The following CELSR1 variants were observed in gnomAD, a reference collection of about 807,000 sequenced individuals.
CELSR1 encodes the protein cadherin EGF LAG seven-pass G-type receptor 1, also known as adhesion G protein-coupled receptor C1.
CELSR1 carries 110 observed loss-of-function variants against 249.1 expected under a neutral mutation model. The observed-to-expected ratio is 0.44, with a 90% CI of 0.38 to 0.52. The LOEUF (loss-of-function observed/expected upper bound fraction) is 0.52, where lower values mean the gene tolerates loss of function less well. Among genes scored for constraint, CELSR1 ranks in the 20% least tolerant of loss-of-function variants. The probability of loss-of-function intolerance (pLI) is 0.00; values close to 1 mark genes in which losing one functional copy is unlikely to be tolerated. For synonymous variants in CELSR1, 2,113 were observed against 1,900.0 expected (o/e 1.11, Z -2.92); for missense variants, 4,109 against 4,296.4 (o/e 0.96, Z 1.22).
At position 46,380,024 on chromosome 22, in the gene CELSR1, A is replaced by G. The variant is rs1168000808; in HGVS notation, c.7256+764T>C. 6.6e-6 allele frequency among the ~76,000 whole-genome samples: 1 copy of G among 152,190 alleles called. No individual in the cohort carries two copies. Among genetic ancestry groups the G allele is most frequent in the East Asian group, 1.9e-4 (1 of 5,192 alleles). ...TCCCTGTAACGATAGAGCAACTCAA[A>G]TGTCCACACCTCACGTGAACTCTGC... is the stretch of plus-strand genomic sequence containing the variant. On this transcript the variant is annotated intron_variant, in intron 22 of 34. Coordinates refer to ENST00000674500, the MANE Select transcript of CELSR1 (RefSeq NM_001378328.1). This position sits in a 1 kb window ranked among gnomAD's most constrained non-coding sequence, Gnocchi z 5.1.
At chr22:46,384,404 G>A (rs2147229196) in intron 20 of CELSR1, 139 bp downstream of exon 20, 3 of 980,892 alleles carry the variant, frequency 3.1e-6, no homozygotes, top group East Asian at 2.8e-5. Flanking sequence ...GTCACCAACA[G>A]GACCTGGCAC....
At position 46,410,026 on chromosome 22, in the gene CELSR1, G is replaced by A; in HGVS notation, c.4934-146C>T. 1.0e-6 allele frequency: 1 copy of A among 982,126 alleles called. No homozygotes were observed. Among genetic ancestry groups the A allele is most frequent in the Non-Finnish European group, 1.5e-6 (1 of 668,118 alleles). The allele number at this position is 982,126 out of a possible 1,614,324, so 60.8% of individuals were successfully genotyped here. On this transcript the variant is annotated intron_variant, in intron 7 of 34. Coordinates refer to ENST00000674500, the MANE Select transcript of CELSR1 (RefSeq NM_001378328.1). The surrounding 1 kb of genome is among the most constrained non-coding windows in gnomAD (Gnocchi z 6.8). ...GGTCTGAACGCCCCTGGCAACGGCA[G>A]GAACATGGGAACTAAGAAGGTGCTG... is the stretch of plus-strand genomic sequence containing the variant.
At position 46,363,067 on chromosome 22, in the gene CELSR1, C is replaced by A. The variant is rs1248596043; in HGVS notation, c.*156G>T. 4.0e-6 allele frequency: 6 copies of A among 1,490,920 alleles called. No homozygotes were observed. In the African/African-American group the frequency reaches 8.3e-5, roughly 21 times the overall value. The allele number at this position is 1,490,920 out of a possible 1,614,324, so 92.4% of individuals were successfully genotyped here. A position where few individuals can be genotyped will look rare whatever the true frequency, so the allele number is the denominator to read the frequency against. ...GTCTGGATGATCAGTCGGGGGGCTG[C>A]CACCATGGGGACCGCCACACTCTGG... On this transcript the variant is annotated 3_prime_UTR_variant, in exon 35 of 35. Transcript: ENST00000674500. This position sits in a 1 kb window ranked among gnomAD's most constrained non-coding sequence, Gnocchi z 4.3.
At chr22:46,373,454 TG>T (rs1166675865) in intron 24 of CELSR1, among the ~76,000 whole-genome samples, 6 of 68,950 alleles carry the variant, frequency 8.7e-5, no homozygotes, top group African/African-American at 2.9e-4. Flanking sequence ...TGCTCGGGGT[TG>T]GGGGGGCAGC....
At chr22:46,524,986 CACCGCCT>C (rs1449337846) in intron 1 of CELSR1, among the ~76,000 whole-genome samples, 1 of 152,166 alleles carries the variant, frequency 6.6e-6, no homozygotes, top group Non-Finnish European at 1.5e-5. Context: ...AAATAATCCA[CACCGCCT>C]ACCAGGCCCC....
At position 46,407,225 on chromosome 22, in the gene CELSR1, A is replaced by G. The variant is rs1364045392; in HGVS notation, c.5226+1771T>C. On this transcript the variant is annotated intron_variant, in intron 9 of 34. Coordinates refer to ENST00000674500, the MANE Select transcript of CELSR1 (RefSeq NM_001378328.1). The surrounding 1 kb of genome is among the most constrained non-coding windows in gnomAD (Gnocchi z 4.8). ...GGTCTCATCACATGGGTGCACACAC[A>G]TACATATACAGCCACATGCACACAG... 6.6e-6 allele frequency among the ~76,000 whole-genome samples: 1 copy of G among 152,200 alleles called. No individual in the cohort carries two copies. The highest frequency in any genetic ancestry group is 2.4e-5 in the African/African-American group (1 of 41,458).
In CELSR1 at chr22:46,500,765, T is replaced by C. The variant is rs769878437; in HGVS notation, c.3544+32862A>G. Among the ~76,000 whole-genome samples the C allele has an allele frequency of 1.6e-4, 24 of 152,136 alleles. No homozygotes were observed. The highest frequency in any genetic ancestry group is 2.6e-4 in the Non-Finnish European group (18 of 68,026). ...AGTTTCAGAATGAAGCTCACCACCG[T>C]GTCCCCACAACTGGAGCTGCCCGGG... is the stretch of plus-strand genomic sequence containing the variant. On this transcript the variant is annotated intron_variant, in intron 1 of 34. Transcript: ENST00000674500. The surrounding 1 kb of genome is among the most constrained non-coding windows in gnomAD (Gnocchi z 4.9).
At chr22:46,367,891 C>T (rs1297696620) in intron 27 of CELSR1, 36 bp from the exon 28 acceptor site, 6 of 1,586,736 alleles carry the variant, frequency 3.8e-6, no homozygotes, top group Non-Finnish European at 4.3e-6. Context: ...TGCCCATCGC[C>T]ACCACCTGCT....
At position 46,398,472 on chromosome 22, in the gene CELSR1, G is replaced by A. The variant is rs2079174944; in HGVS notation, c.5526+52C>T. On this transcript the variant is annotated intron_variant, in intron 11 of 34. Coordinates refer to ENST00000674500, the MANE Select transcript of CELSR1 (RefSeq NM_001378328.1). The surrounding 1 kb of genome is among the most constrained non-coding windows in gnomAD (Gnocchi z 7.2). ...ACCACCTATGGTGCTGCCAGCCTCGGAGCTGCCTGTGAGGGGCAGGCCTCC... is the reference window on the plus strand; with the variant it reads ...ACCACCTATGGTGCTGCCAGCCTCGAAGCTGCCTGTGAGGGGCAGGCCTCC... 1 of 1,351,200 alleles carries A rather than the reference G, an allele frequency of 7.4e-7. No homozygotes were observed. The allele number at this position is 1,351,200 out of a possible 1,614,324, so 83.7% of individuals were successfully genotyped here.
rs1195902966 is a variant in CELSR1 at position 46,374,757 on chromosome 22, T to G, written c.7585-1700A>C. On this transcript the variant is annotated intron_variant, in intron 24 of 34. Coordinates refer to ENST00000674500, the MANE Select transcript of CELSR1 (RefSeq NM_001378328.1). This position sits in a 1 kb window ranked among gnomAD's most constrained non-coding sequence, Gnocchi z 4.3. ...TTTTGAGATGAAATCCGCACACTTC[T>G]CAGAGCCTTCCCAGACCAATGCGCG... Among the ~76,000 whole-genome samples the G allele has an allele frequency of 1.3e-5, 2 of 152,132 alleles. No individual in the cohort carries two copies. Among genetic ancestry groups the G allele is most frequent in the Non-Finnish European group, 2.9e-5 (2 of 68,020 alleles).
Position 46,391,155 on chromosome 22 carries a change from A to C in CELSR1, c.6250+31T>G. The C allele has an allele frequency of 6.4e-7, 1 of 1,566,528 alleles. No homozygotes were observed. The highest frequency in any genetic ancestry group is 8.8e-7 in the Non-Finnish European group (1 of 1,142,414). On this transcript the variant is annotated intron_variant, in intron 16 of 34. Coordinates refer to ENST00000674500, the MANE Select transcript of CELSR1 (RefSeq NM_001378328.1). This position sits in a 1 kb window ranked among gnomAD's most constrained non-coding sequence, Gnocchi z 4.3. Reference sequence around the variant, plus strand: ...CTCCTCCCACAAGGACGCCTGCCTCAGTTCCCTACACACAGGCCACGGCGA... The same window carrying C: ...CTCCTCCCACAAGGACGCCTGCCTCCGTTCCCTACACACAGGCCACGGCGA...
rs764022411 is a variant in CELSR1 at position 46,534,224 on chromosome 22, C to T, written c.2947G>A (p.Val983Ile). ...TCCAAGATGGTCACCTGGATTTCTA[C>T]CGAGGCGCTAAGGGGAGTGGGACTG... The part of the protein sequence containing the change: ...RGSPTPLSAS[V>I]EIQVTILDIN... The change falls in exon 1 of 35, where the codon GTA (valine) becomes ATA (isoleucine). Residue 983 changes from valine to isoleucine, a missense_variant. Around this residue, in one of 7 missense-constraint regions of CELSR1, gnomAD observed 886 missense variants for 896.5 expected, o/e 0.99. Transcript: ENST00000674500. The surrounding 1 kb of genome is among the most constrained non-coding windows in gnomAD (Gnocchi z 9.7). 4 of 1,613,796 alleles carry T rather than the reference C, an allele frequency of 2.5e-6. No homozygotes were observed. The South Asian group carries it at 3.3e-5, about 13-fold the overall frequency.
chr22:46,365,008 AC>A (rs557739011), intron 32 of CELSR1, among the ~76,000 whole-genome samples: 1 of 151,790 alleles, frequency 6.6e-6, no homozygotes, highest in African/African-American at 2.4e-5. Context: ...GTCCACAGAG[AC>A]CCCCCTGAGA....
intron 1 of CELSR1, among the ~76,000 whole-genome samples, chr22:46,478,545 A>ATT (rs34932520): frequency 7.7e-5 from 11 of 143,434 alleles, no homozygotes; most frequent in African/African-American, 2.6e-4. Flanking sequence ...AAAGATGAGA[A>ATT]TTTTTTTTTT....
chr22:46,536,900 G>A lies in CELSR1; in HGVS notation c.271C>T (p.Arg91Cys). Residue 91 changes from arginine (R) to cysteine (C), a missense_variant, in exon 1 of 35, where the codon CGC (arginine) becomes TGC (cysteine). Transcript: ENST00000674500. ...GTCGGGGCACTGCGGGCCACCAAGC[G>A]GACTTGCAGCGGCAGCGGGCGCCCC... ...GAGRPLPLQV[R>C]LVARSAPTAL... 3 of 1,205,312 alleles carry A rather than the reference G, an allele frequency of 2.5e-6. No individual in the cohort carries two copies. 74.7% of individuals were successfully genotyped at this position (1,205,312 alleles called of 1,614,324 possible).
rs1415165218 is a variant in CELSR1, at chr22:46,468,878, C to A, written c.3545-4533G>T. 6.6e-6 allele frequency among the ~76,000 whole-genome samples: 1 copy of A among 152,114 alleles called. No homozygotes were observed. The highest frequency in any genetic ancestry group is 2.4e-5 in the African/African-American group (1 of 41,436). On this transcript the variant is annotated intron_variant, in intron 1 of 34. Transcript: ENST00000674500. The surrounding 1 kb of genome is among the most constrained non-coding windows in gnomAD (Gnocchi z 4.5). ...TCACCTGAGGTCAGGAGTTCGAGAC[C>A]AGCATGGCCAACATGGTGAAACCCT...
At position 46,364,003 on chromosome 22, in the gene CELSR1, C is replaced by T. The variant is rs747685597; in HGVS notation, c.9028G>A (p.Asp3010Asn). The T allele has an allele frequency of 2.2e-5, 36 of 1,604,668 alleles. No individual in the cohort carries two copies. The highest frequency in any genetic ancestry group is 1.7e-4 in the Admixed American group (10 of 58,710). Residue 3010 changes from aspartate to asparagine, a missense_variant, in exon 34 of 35, where the codon GAC becomes AAC. Transcript: ENST00000674500. ...GAGGCCCAGGCTACTCACTCAGAGTCGGAGCCATCGGCCTGGGCGCTCCCA... is the reference window on the plus strand; with the variant it reads ...GAGGCCCAGGCTACTCACTCAGAGTTGGAGCCATCGGCCTGGGCGCTCCCA... The part of the protein sequence containing the change: ...RTGSAQADGS[D>N]SEGSNETSI
Position 46,380,288 on chromosome 22 carries a change from TGTGCTGC to T in CELSR1, c.7256+493_7256+499del, listed in dbSNP as rs1229460612. ...TGCTTCTGAAACGGGCCAGATAAAC[TGTGCTGC>T]GGCCAGGTGTGGCCTCTTGGGGGTG... On this transcript the variant is annotated intron_variant, in intron 22 of 34. Coordinates refer to ENST00000674500, the MANE Select transcript of CELSR1 (RefSeq NM_001378328.1). This position sits in a 1 kb window ranked among gnomAD's most constrained non-coding sequence, Gnocchi z 5.1. 6.6e-6 allele frequency among the ~76,000 whole-genome samples: 1 copy of T among 152,188 alleles called. No homozygotes were observed. Among genetic ancestry groups the T allele is most frequent in the Non-Finnish European group, 1.5e-5 (1 of 68,026 alleles).
chr22:46,418,299 G>T (rs2079426485), intron 5 of CELSR1, among the ~76,000 whole-genome samples: 1 of 152,092 alleles, frequency 6.6e-6, no homozygotes, highest in Admixed American at 6.6e-5. Flanking sequence ...TGGCCAACAA[G>T]GTGAAACCCC....
Sources: allele counts gnomAD v4.1 joint callset (sites outside exome capture counted in the v4.1 genomes callset), GRCh38; gene constraint gnomAD v4.1.1; regional missense constraint gnomAD v4.1.1; non-coding constraint Gnocchi (gnomAD v3.1); transcripts MANE v1.5; gene names NCBI Gene and HGNC (gene_info 2026-07-23, HGNC 2026-07-21).